SLC2A7: variants seen among roughly 807,000 people sequenced by gnomAD.
SLC2A7 encodes solute carrier family 2, facilitated glucose transporter member 7.
A neutral mutation model predicts 50.5 loss-of-function variants in SLC2A7; 50 were observed. The ratio of observed to expected loss-of-function variants is 0.99; its 90% CI spans 0.79 to 1.25. The LOEUF is 1.25. SLC2A7 is among the 50% of genes most tolerant of loss of function. The pLI is 0.00. For synonymous variants in SLC2A7, 308 were observed against 300.4 expected (o/e 1.03, Z -0.26); for missense variants, 683 against 679.1 (o/e 1.01, Z -0.06).
intron 5 of SLC2A7, among the ~76,000 whole-genome samples, chr1:9,017,640 C>A (rs186864744): frequency 6.6e-6 from 1 of 152,202 alleles, no homozygotes; most frequent in African/African-American, 2.4e-5. Context: ...GAAGGCTCTG[C>A]GAATCTGGTT....
chr1:9,014,904 C>T, intron 6 of SLC2A7, 36 bp from the exon 7 acceptor site: 1 of 1,547,674 alleles, frequency 6.5e-7, no homozygotes. Context: ...AGAGGGCCGT[C>T]TCCCTGCAGG....
At chr1:8,993,082 T>G in the SLC2A7 span, among the ~76,000 whole-genome samples, 1 of 152,308 alleles carries the variant, frequency 6.6e-6, no homozygotes, top group Middle Eastern at 3.4e-3. Context: ...TGACTCACAG[T>G]TCCATGTGGC....
intron 3 of SLC2A7, among the ~76,000 whole-genome samples, chr1:9,019,749 T>A (rs1202451554): frequency 6.6e-6 from 1 of 151,850 alleles, no homozygotes; most frequent in Non-Finnish European, 1.5e-5. Flanking sequence ...CATGGTGAAA[T>A]CCCATCTCTA....
chr1:9,023,798 G>A (rs1309750272), intron 2 of SLC2A7, among the ~76,000 whole-genome samples: 2 of 138,896 alleles, frequency 1.4e-5, no homozygotes, highest in African/African-American at 2.6e-5. Context: ...AGAGACTTAC[G>A]ACTTACTCTG....
intron 1 of SLC2A7, 88 bp downstream of exon 1, chr1:9,026,207 A>C: frequency 5.6e-6 from 8 of 1,431,536 alleles, no homozygotes; most frequent in Non-Finnish European, 7.7e-6. Context: ...CTCCTTGCTA[A>C]AAGCATTCCA....
In SLC2A7 at chr1:9,008,524, C is replaced by A. The variant is rs1031592018; in HGVS notation, c.1117-1139G>T. On this transcript the variant is annotated intron_variant, in intron 9 of 11. Coordinates refer to ENST00000400906, the MANE Select transcript of SLC2A7 (RefSeq NM_207420.3). The surrounding 1 kb of genome is among the most constrained non-coding windows in gnomAD (Gnocchi z 5.9). Reference sequence around the variant, plus strand: ...TTTCAGAAGTGTCACTGGCGGTGGTCTCTGCAGGTGGCGCTCAGTCGTGCT... The same window carrying A: ...TTTCAGAAGTGTCACTGGCGGTGGTATCTGCAGGTGGCGCTCAGTCGTGCT... Among the ~76,000 whole-genome samples, 3 of 152,034 alleles carry A rather than the reference C, an allele frequency of 2.0e-5. No homozygotes were observed. The highest frequency in any genetic ancestry group is 2.9e-5 in the Non-Finnish European group (2 of 68,034).
rs757373405 is a variant in SLC2A7, at chr1:9,026,354, A to T, written c.-9T>A. ...GCCTCTTTGTTCTCCATCCTTGTTC[A>T]GGTGGGAGAACAGGTGTGCTCTACC... On this transcript the variant is annotated 5_prime_UTR_variant, in exon 1 of 12. Transcript: ENST00000400906. The T allele has an allele frequency of 6.2e-7, 1 of 1,601,328 alleles. No individual in the cohort carries two copies. Among genetic ancestry groups the T allele is most frequent in the Admixed American group, 1.7e-5 (1 of 58,556 alleles).
At chr1:9,005,175 T>C (rs1056101658) in intron 10 of SLC2A7, among the ~76,000 whole-genome samples, 5 of 152,150 alleles carry the variant, frequency 3.3e-5, no homozygotes, top group African/African-American at 9.7e-5. Flanking sequence ...ATGGGAAGCT[T>C]CGTGGGAGCA....
chr1:8,994,126 C>A, the SLC2A7 span, among the ~76,000 whole-genome samples: 1 of 152,212 alleles, frequency 6.6e-6, no homozygotes, highest in African/African-American at 2.4e-5. Context: ...TCCAGTTACT[C>A]CTGTAAGCTG....
At chr1:9,016,069 G>A (rs1313450022) in intron 5 of SLC2A7, among the ~76,000 whole-genome samples, 1 of 152,160 alleles carries the variant, frequency 6.6e-6, no homozygotes, top group Non-Finnish European at 1.5e-5. Context: ...AGTGGCGAGG[G>A]CTGAATGAGG....
chr1:9,010,204 A>AGCAGGAGGTGCCGCCGTCCC lies in SLC2A7; in HGVS notation c.1035_1054dup (p.Leu352ArgfsTer21). 1 of 1,551,400 alleles carries AGCAGGAGGTGCCGCCGTCCC rather than the reference A, an allele frequency of 6.4e-7. No homozygotes were observed. Among genetic ancestry groups the AGCAGGAGGTGCCGCCGTCCC allele is most frequent in the Non-Finnish European group, 8.7e-7 (1 of 1,147,000 alleles). ...AGAGCCGCAGATGCCGTAGCCGGCC[A>AGCAGGAGGTGCCGCCGTCCC]GCAGGAGGTGCCGCCGTCCCAGCCG... On this transcript the variant is annotated frameshift_variant, in exon 9 of 12. Coordinates refer to ENST00000400906, the MANE Select transcript of SLC2A7 (RefSeq NM_207420.3). LOFTEE classifies it high-confidence loss of function.
In SLC2A7 at chr1:9,023,033, T is replaced by C; in HGVS notation, c.196A>G (p.Thr66Ala). 1.2e-6 allele frequency: 2 copies of C among 1,614,172 alleles called. No individual in the cohort carries two copies. Among genetic ancestry groups the C allele is most frequent in the South Asian group, 2.2e-5 (2 of 91,076 alleles). The part of the protein sequence containing the change: ...YNETYFERHA[T>A]FMDGKLMLLL... ...AGCATGAGCTTCCCGTCCATGAATG[T>C]TGCGTGTCGCTCAAAGTAGGTTTCG... Residue 66 changes from threonine (T) to alanine (A), a missense_variant, in exon 3 of 12, where the codon ACA becomes GCA. Transcript: ENST00000400906.
At position 9,014,781 on chromosome 1, in the gene SLC2A7, T is replaced by C. The variant is rs767883719; in HGVS notation, c.803A>G (p.His268Arg). ...GGCACAGAGGTGCAGCACAGACAGG[T>C]GGCCCTCGGCGCGCTCGGCCCGGGC... Reference protein sequence around the residue: ...AEARAERAEGHLSVLHLCALR... With the variant: ...AEARAERAEGRLSVLHLCALR... The change falls in exon 7 of 12, where the codon CAC becomes CGC. Residue 268 changes from histidine (H) to arginine (R), a missense_variant. Coordinates refer to ENST00000400906, the MANE Select transcript of SLC2A7 (RefSeq NM_207420.3). 6.3e-7 allele frequency: 1 copy of C among 1,599,626 alleles called. No individual in the cohort carries two copies. The highest frequency in any genetic ancestry group is 8.5e-7 in the Non-Finnish European group (1 of 1,173,970).
At chr1:9,005,079 T>G (rs1318599154) in intron 10 of SLC2A7, among the ~76,000 whole-genome samples, 200 bp from the exon 11 acceptor site, 1 of 152,122 alleles carries the variant, frequency 6.6e-6, no homozygotes, top group African/African-American at 2.4e-5. Flanking sequence ...CTTTGCAAAG[T>G]CTGGTTGGAG....
chr1:9,006,549 G>A (rs1640656055), intron 10 of SLC2A7, among the ~76,000 whole-genome samples: 1 of 152,162 alleles, frequency 6.6e-6, no homozygotes, highest in Admixed American at 6.5e-5. Context: ...ACCATGCCAG[G>A]CCTAAATCCC....
the SLC2A7 span, among the ~76,000 whole-genome samples, chr1:8,997,552 CA>C: frequency 6.6e-6 from 1 of 152,056 alleles, no homozygotes; most frequent in Non-Finnish European, 1.5e-5. Flanking sequence ...AGGTGCCCAC[CA>C]CCAAGCCGGC....
chr1:9,010,679 C>T (rs966494641), intron 8 of SLC2A7, among the ~76,000 whole-genome samples: 4 of 152,170 alleles, frequency 2.6e-5, no homozygotes, highest in African/African-American at 7.2e-5. Context: ...CCTTTCTTAC[C>T]CCTGCTGCCT....
chr1:9,015,181 G>T lies in SLC2A7; in HGVS notation c.651C>A (p.Pro217=). 1 of 1,612,368 alleles carries T rather than the reference G, an allele frequency of 6.2e-7. No homozygotes were observed. ...AGTAGCGGGGGCTTTCGGGGAAGAAGGGCAGGGTCAGCAGCTGCAGCAGGG... is the reference window on the plus strand; with the variant it reads ...AGTAGCGGGGGCTTTCGGGGAAGAATGGCAGGGTCAGCAGCTGCAGCAGGG... ...VPALLQLLTL[P]FFPESPRYSL... The change falls in exon 6 of 12, where the codon CCC becomes CCA. Residue 217 remains proline, a synonymous_variant. Coordinates refer to ENST00000400906, the MANE Select transcript of SLC2A7 (RefSeq NM_207420.3).
chr1:9,015,125 G>A lies in SLC2A7; in HGVS notation c.707C>T (p.Ala236Val), dbSNP rs149549227. The change falls in exon 6 of 12, where the codon GCG becomes GTG. Residue 236 changes from alanine to valine, a missense_variant. Physicochemically the swap from Ala to Val is moderately conservative, Grantham distance 64. Coordinates refer to ENST00000400906, the MANE Select transcript of SLC2A7 (RefSeq NM_207420.3). ...AGCCGGCGACTTCATACCTTGTCGC[G>A]CTGTGGCTTCATCTCCTTTCTGAAT... ...SLIQKGDEAT[A>V]RQALRRLRGH... 1.2e-5 allele frequency: 19 copies of A among 1,613,206 alleles called. 1 individual carries two copies. Among genetic ancestry groups the A allele is most frequent in the African/African-American group, 9.3e-5 (7 of 75,032 alleles).
Sources: allele counts gnomAD v4.1 joint callset (sites outside exome capture counted in the v4.1 genomes callset), GRCh38; gene constraint gnomAD v4.1.1; non-coding constraint Gnocchi (gnomAD v3.1); transcripts MANE v1.5; gene names NCBI Gene and HGNC (gene_info 2026-07-23, HGNC 2026-07-21).